Variants in LRFN5 observed in about 807,000 individuals in gnomAD.
LRFN5 encodes the protein leucine rich repeat and fibronectin type III domain containing 5, also known as leucine-rich repeat and fibronectin type-III domain-containing protein 5.
In LRFN5, 24 loss-of-function variants were observed where a neutral mutation model predicts 45.6. The ratio of observed to expected loss-of-function variants is 0.53; its 90% CI spans 0.38 to 0.74. The LOEUF (loss-of-function observed/expected upper bound fraction) is 0.74. LRFN5 is among the 30% of genes least tolerant of loss of function. LRFN5 has a pLI of 0.00. For missense variants in LRFN5, 776 were observed against 861.5 expected (o/e 0.90, Z 1.24); for synonymous variants, 340 against 313.8 (o/e 1.08, Z -0.88).
intron 1 of LRFN5, among the ~76,000 whole-genome samples, chr14:41,745,793 T>A (rs1403088293): frequency 6.6e-5 from 10 of 151,924 alleles, no homozygotes; most frequent in African/African-American, 2.2e-4. Flanking sequence ...TTCTTAAAAA[T>A]ACAAAACTTA....
intron 1 of LRFN5, among the ~76,000 whole-genome samples, chr14:41,626,028 G>GATAC (rs2138568824): frequency 6.6e-6 from 1 of 152,142 alleles, no homozygotes; most frequent in Non-Finnish European, 1.5e-5. Flanking sequence ...TTTCTGGAAG[G>GATAC]ATACATACAT....
rs1428416141 is a variant in LRFN5 at position 41,734,344 on chromosome 14, A to ATATATATT, written c.-196-32509_-196-32508insATATATTT. 3.6e-4 allele frequency among the ~76,000 whole-genome samples: 38 copies of ATATATATT among 105,958 alleles called. 3 individuals carry two copies. The East Asian group carries it at 6.7e-3, about 19-fold the overall frequency. 69.5% of individuals were successfully genotyped at this position (105,958 alleles called of 152,430 possible). On this transcript the variant is annotated intron_variant, in intron 1 of 5. Coordinates refer to ENST00000298119, the MANE Select transcript of LRFN5 (RefSeq NM_152447.5). Reference sequence around the variant, plus strand: ...TATATATATATATATATATATATATATTTAAATTTGCTGTAACTTATTGAT... The same window carrying ATATATATT: ...TATATATATATATATATATATATATATATATATTTTTAAATTTGCTGTAACTTATTGAT...
intron 2 of LRFN5, among the ~76,000 whole-genome samples, chr14:41,816,285 A>T (rs563470062): frequency 6.6e-6 from 1 of 152,218 alleles, no homozygotes; most frequent in South Asian, 2.1e-4. Context: ...ATTATTGAAC[A>T]GATTTTTGCT....
chr14:41,789,555 A>G (rs913576838), intron 2 of LRFN5, among the ~76,000 whole-genome samples: 1 of 151,846 alleles, frequency 6.6e-6, no homozygotes, highest in Non-Finnish European at 1.5e-5. Context: ...TGCAATCAAG[A>G]TTCTGGTATT....
chr14:41,900,092 C>G (rs1005157477), intron 5 of LRFN5, among the ~76,000 whole-genome samples: 25 of 152,028 alleles, frequency 1.6e-4, no homozygotes, highest in Non-Finnish European at 2.9e-4. Flanking sequence ...TTCTCTTTCT[C>G]TCTTTCATTT....
chr14:41,817,381 A>G (rs1306499667), intron 2 of LRFN5, among the ~76,000 whole-genome samples: 2 of 152,126 alleles, frequency 1.3e-5, no homozygotes, highest in African/African-American at 4.8e-5. Context: ...GTAAATAGAA[A>G]TGCTATGAAT....
At chr14:41,679,086 A>G (rs1043646126) in intron 1 of LRFN5, among the ~76,000 whole-genome samples, 16 of 152,122 alleles carry the variant, frequency 1.1e-4, no homozygotes, top group Middle Eastern at 3.2e-3. Flanking sequence ...GGAATCATCA[A>G]TCCCAGGGGT....
chr14:41,770,974 T>A (rs1419764580), intron 2 of LRFN5, among the ~76,000 whole-genome samples: 1 of 151,954 alleles, frequency 6.6e-6, no homozygotes, highest in Admixed American at 6.5e-5. Flanking sequence ...ATCTAGGTGG[T>A]AGCCACCAAG....
intron 2 of LRFN5, among the ~76,000 whole-genome samples, chr14:41,861,811 C>T (rs924040240): frequency 1.3e-5 from 2 of 152,090 alleles, no homozygotes; most frequent in African/African-American, 4.8e-5. Flanking sequence ...TATGTAAACA[C>T]CACCTTGGTC....
chr14:41,808,428 G>C (rs1887610561), intron 2 of LRFN5, among the ~76,000 whole-genome samples: 2 of 95,990 alleles, frequency 2.1e-5, no homozygotes, highest in African/African-American at 4.2e-5. Context: ...AGGAAGGAAG[G>C]AAGAATCGAG....
intron 1 of LRFN5, among the ~76,000 whole-genome samples, chr14:41,674,332 A>AC (rs1369085130): frequency 9.5e-5 from 8 of 84,270 alleles, no homozygotes; most frequent in Admixed American, 1.5e-4. Context: ...CGGGGGGCCG[A>AC]CCCCCCCACC....
chr14:41,775,241 C>A (rs1047817822), intron 2 of LRFN5, among the ~76,000 whole-genome samples: 2 of 151,868 alleles, frequency 1.3e-5, no homozygotes, highest in African/African-American at 4.8e-5. Flanking sequence ...CAGGCGCCCA[C>A]CACCAGGCCC....
chr14:41,673,357 C>G (rs1881339288), intron 1 of LRFN5, among the ~76,000 whole-genome samples: 1 of 149,812 alleles, frequency 6.7e-6, no homozygotes, highest in South Asian at 2.1e-4. Context: ...GACCCCCCAC[C>G]TCCCTCCCGG....
chr14:41,760,044 T>A (rs1885594761), intron 1 of LRFN5, among the ~76,000 whole-genome samples: 1 of 152,210 alleles, frequency 6.6e-6, no homozygotes, highest in South Asian at 2.1e-4. Flanking sequence ...CAAGAAACTG[T>A]CATTCGTACG....
chr14:41,790,543 T>G (rs1247879286), intron 2 of LRFN5, among the ~76,000 whole-genome samples: 1 of 150,262 alleles, frequency 6.7e-6, no homozygotes, highest in Non-Finnish European at 1.5e-5. Flanking sequence ...TAATATTTGC[T>G]CTTCTTCTTT....
intron 1 of LRFN5, among the ~76,000 whole-genome samples, chr14:41,669,992 A>T (rs1167789430): frequency 6.8e-6 from 1 of 148,124 alleles, no homozygotes; most frequent in Admixed American, 6.7e-5. Flanking sequence ...AGTTAAAAAT[A>T]TAGTTAAAAA....
chr14:41,815,168 T>A lies in LRFN5; in HGVS notation c.-21+48139T>A, dbSNP rs1887873897. Among the ~76,000 whole-genome samples the A allele has an allele frequency of 3.3e-5, 5 of 152,294 alleles. No homozygotes were observed. In the South Asian group the frequency reaches 1.0e-3, roughly 32 times the overall value. ...GTCTCCAACTATAATAATGAATTAA[T>A]ATATTTCTTCTTGCCATCCTATCAG... On this transcript the variant is annotated intron_variant, in intron 2 of 5. Coordinates refer to ENST00000298119, the MANE Select transcript of LRFN5 (RefSeq NM_152447.5).
chr14:41,610,845 T>A (rs1887732604), intron 1 of LRFN5, among the ~76,000 whole-genome samples: 1 of 151,894 alleles, frequency 6.6e-6, no homozygotes, highest in African/African-American at 2.4e-5. Flanking sequence ...GAAATCTGAT[T>A]TGTGTATTCT....
intron 1 of LRFN5, among the ~76,000 whole-genome samples, chr14:41,763,595 T>C (rs1317985879): frequency 6.6e-6 from 1 of 152,136 alleles, no homozygotes; most frequent in East Asian, 1.9e-4. Flanking sequence ...AGGAATTGAA[T>C]CATGGGTGCA....
Sources: allele counts gnomAD v4.1 joint callset (sites outside exome capture counted in the v4.1 genomes callset), GRCh38; gene constraint gnomAD v4.1.1; transcripts MANE v1.5; gene names NCBI Gene and HGNC (gene_info 2026-07-23, HGNC 2026-07-21).